The following CEP192 variants were observed in gnomAD, a reference collection of about 807,000 sequenced individuals.
CEP192 encodes the protein centrosomal protein of 192 kDa.
In CEP192, 151 loss-of-function variants were observed where a neutral mutation model predicts 271.8. The ratio of observed to expected loss-of-function variants is 0.56; its 90% CI spans 0.49 to 0.64. CEP192 has a LOEUF of 0.64. CEP192 is among the 30% of genes least tolerant of loss of function. The probability of loss-of-function intolerance (pLI) is 0.00; values close to 1 mark genes in which losing one functional copy is unlikely to be tolerated. For synonymous variants in CEP192, 995 were observed against 1,076.5 expected (o/e 0.92, Z 1.48); for missense variants, 2,910 against 3,020.5 (o/e 0.96, Z 0.86).
Position 13,117,458 on chromosome 18 carries a change from T to C in CEP192, c.7417-127T>C. ...TTCATTACATTAGCATTTATTGTAC[T>C]ACCTAATTTTGTGGCAATACCTAAA... On this transcript the variant is annotated intron_variant, in intron 43 of 44. Coordinates refer to ENST00000506447, the MANE Select transcript of CEP192 (RefSeq NM_032142.4). 3 of 626,886 alleles carry C rather than the reference T, an allele frequency of 4.8e-6. No individual in the cohort carries two copies. The South Asian group carries it at 6.2e-5, about 13-fold the overall frequency. 38.8% of individuals were successfully genotyped at this position (626,886 alleles called of 1,614,324 possible).
chr18:13,016,567 T>C (rs2034658182), intron 6 of CEP192, among the ~76,000 whole-genome samples: 1 of 152,204 alleles, frequency 6.6e-6, no homozygotes, highest in Admixed American at 6.5e-5. Context: ...GTATCCAATC[T>C]TTGATTGCTT....
intron 5 of CEP192, 84 bp from the exon 6 acceptor site, chr18:13,015,244 A>C: frequency 7.9e-7 from 1 of 1,263,516 alleles, no homozygotes; most frequent in Non-Finnish European, 1.1e-6. Context: ...GGTTGAGAAC[A>C]TATTTGGTCC....
In CEP192 at chr18:13,015,473, C is replaced by G. The variant is rs895355016; in HGVS notation, c.640+25C>G. On this transcript the variant is annotated intron_variant, in intron 6 of 44. Coordinates refer to ENST00000506447, the MANE Select transcript of CEP192 (RefSeq NM_032142.4). The stretch of plus-strand genomic sequence containing the variant: ...GGTACTGCAGAGTAACCTGTGTTTC[C>G]CTGGTCTTCACCTTGCCACTCCACT... The G allele has an allele frequency of 1.3e-5, 20 of 1,548,626 alleles. 1 individual carries two copies. The Admixed American group carries it at 3.6e-4, about 28-fold the overall frequency.
Position 13,023,266 on chromosome 18 carries a change from A to G in CEP192, c.1050+4060A>G, listed in dbSNP as rs138066435. Among the ~76,000 whole-genome samples, 109 of 152,282 alleles carry G rather than the reference A, an allele frequency of 7.2e-4. 1 individual carries two copies. Among genetic ancestry groups the G allele is most frequent in the African/African-American group, 2.2e-3 (90 of 41,556 alleles). On this transcript the variant is annotated intron_variant, in intron 9 of 44. Coordinates refer to ENST00000506447, the MANE Select transcript of CEP192 (RefSeq NM_032142.4). ...TTTTCGTGTCTTAATTGCATTAGCTAGGACTTATAGTATGATGTTGAAAAG... is the reference window on the plus strand; with the variant it reads ...TTTTCGTGTCTTAATTGCATTAGCTGGGACTTATAGTATGATGTTGAAAAG...
At chr18:12,997,793 C>T (rs1024451581) in intron 1 of CEP192, among the ~76,000 whole-genome samples, 1 of 152,168 alleles carries the variant, frequency 6.6e-6, no homozygotes, top group African/African-American at 2.4e-5. Flanking sequence ...GGCGCAATCT[C>T]GGCTCACTGC....
At chr18:13,042,690 C>T (rs2036273411) in intron 15 of CEP192, among the ~76,000 whole-genome samples, 1 of 152,094 alleles carries the variant, frequency 6.6e-6, no homozygotes, top group Non-Finnish European at 1.5e-5. Context: ...TGATTCTAAA[C>T]TTCACTTAAA....
chr18:13,106,334 ATCT>A (rs1400666940), intron 40 of CEP192, among the ~76,000 whole-genome samples: 2 of 151,706 alleles, frequency 1.3e-5, no homozygotes, highest in East Asian at 1.9e-4. Context: ...AACTACCATC[ATCT>A]TCTGCACAAT....
chr18:13,055,316 C>T (rs1361560403), intron 18 of CEP192, among the ~76,000 whole-genome samples: 2 of 151,690 alleles, frequency 1.3e-5, no homozygotes, highest in African/African-American at 4.8e-5. Context: ...TTTGAATCTT[C>T]AAGCCCAGGC....
chr18:13,045,562 C>T (rs964995480), intron 15 of CEP192, among the ~76,000 whole-genome samples: 2 of 152,158 alleles, frequency 1.3e-5, no homozygotes, highest in East Asian at 3.8e-4. Flanking sequence ...AGATTTAAAT[C>T]GGAATGCTCA....
intron 5 of CEP192, among the ~76,000 whole-genome samples, chr18:13,013,392 G>A (rs1381810724): frequency 6.6e-6 from 1 of 152,078 alleles, no homozygotes; most frequent in Non-Finnish European, 1.5e-5. Context: ...AATGGTTCTC[G>A]GCCCTTAGTT....
intron 40 of CEP192, among the ~76,000 whole-genome samples, chr18:13,106,744 C>A (rs1006844753): frequency 6.6e-6 from 1 of 151,920 alleles, no homozygotes; most frequent in African/African-American, 2.4e-5. Flanking sequence ...ACACCCCACA[C>A]AGCTACCACC....
intron 1 of CEP192, among the ~76,000 whole-genome samples, chr18:12,998,814 A>G (rs753655061): frequency 2.0e-5 from 3 of 152,230 alleles, no homozygotes; most frequent in Non-Finnish European, 4.4e-5. Context: ...CACCGTGGTC[A>G]GGTTCTCTAG....
chr18:13,047,190 A>G (rs984854467), intron 15 of CEP192, among the ~76,000 whole-genome samples: 1 of 152,170 alleles, frequency 6.6e-6, no homozygotes. Flanking sequence ...AACACTGGCA[A>G]TTGCAGATCA....
intron 30 of CEP192, among the ~76,000 whole-genome samples, chr18:13,084,899 C>T (rs540742213): frequency 7.9e-5 from 12 of 151,700 alleles, no homozygotes; most frequent in Non-Finnish European, 1.5e-4. Context: ...CTGCAACCTC[C>T]GCCTCCCGGG....
intron 29 of CEP192, 70 bp downstream of exon 29, chr18:13,072,915 TTTGTGTTA>T (rs1242674837): frequency 2.5e-5 from 39 of 1,531,976 alleles, no homozygotes; most frequent in Admixed American, 6.9e-5. Flanking sequence ...TGCAGACCTT[TTTGTGTTA>T]TTTAGCTTTT....
At chr18:13,092,339 G>T in intron 33 of CEP192, 38 bp from the exon 34 acceptor site, 2 of 1,408,318 alleles carry the variant, frequency 1.4e-6, no homozygotes, top group South Asian at 2.5e-5. Flanking sequence ...ATGCTTGTGT[G>T]AACATTCATG....
Position 13,069,795 on chromosome 18 carries a change from G to A in CEP192, c.5113G>A (p.Gly1705Arg). 6.2e-7 allele frequency: 1 copy of A among 1,605,256 alleles called. No individual in the cohort carries two copies. Among genetic ancestry groups the A allele is most frequent in the Non-Finnish European group, 8.5e-7 (1 of 1,172,272 alleles). ...TCCAAAGAATCTACTCCTTAAACCT[G>A]GAGAAGAACATGAGGTTATTGTTTC... The part of the protein sequence containing the change: ...VDPKNLLLKP[G>R]EEHEVIVSFT... The change falls in exon 27 of 45, where the codon GGA becomes AGA. Residue 1705 changes from glycine to arginine, a missense_variant. Transcript: ENST00000506447.
At chr18:13,120,231 A>G (rs1231468757) in intron 44 of CEP192, among the ~76,000 whole-genome samples, 1 of 151,126 alleles carries the variant, frequency 6.6e-6, no homozygotes, top group East Asian at 2.0e-4. Flanking sequence ...CTGAGTGGAA[A>G]TCAGATAAGG....
At chr18:13,077,159 T>C (rs2038334536) in intron 30 of CEP192, among the ~76,000 whole-genome samples, 1 of 152,178 alleles carries the variant, frequency 6.6e-6, no homozygotes, top group Non-Finnish European at 1.5e-5. Flanking sequence ...TTTCAAAATG[T>C]TATTTTAGTT....
Sources: allele counts gnomAD v4.1 joint callset (sites outside exome capture counted in the v4.1 genomes callset), GRCh38; gene constraint gnomAD v4.1.1; transcripts MANE v1.5; gene names NCBI Gene and HGNC (gene_info 2026-07-23, HGNC 2026-07-21).